PLXNB3: variants seen among roughly 807,000 people sequenced by gnomAD.
PLXNB3 encodes plexin-B3.
In PLXNB3, 80 loss-of-function variants were observed where a neutral mutation model predicts 125.7. The observed-to-expected ratio is 0.64, with a 90% confidence interval of 0.53 to 0.77. The LOEUF (loss-of-function observed/expected upper bound fraction) is 0.77, where lower values mean the gene tolerates loss of function less well. Ranked by LOEUF, PLXNB3 falls within the 30% of genes least tolerant of loss-of-function variation. The pLI, the probability that PLXNB3 is intolerant of heterozygous loss-of-function variation, is 0.00. For missense variants in PLXNB3, 1,836 were observed against 1,729.3 expected (o/e 1.06, Z -1.09); for synonymous variants, 954 against 783.3 (o/e 1.22, Z -3.64).
In PLXNB3 at chrX:153,767,880, C is replaced by G; in HGVS notation, c.1053C>G (p.Tyr351Ter). The G allele has an allele frequency of 9.0e-7, 1 of 1,110,456 alleles. No homozygotes were observed. The highest frequency in any genetic ancestry group is 1.2e-6 in the Non-Finnish European group (1 of 848,179). 91.5% of individuals were successfully genotyped at this position (1,110,456 alleles called of 1,213,427 possible). ...PSGAEEATVE[Y>*]GVTSRCVTLP... is the part of the protein sequence containing the mutation. ...GCGCAGAGGAAGCCACCGTGGAGTA[C>G]GGCGTCACGTCGCGCTGCGTCACCC... Residue 351 changes from tyrosine (Y) to a stop codon, truncating the protein, a stop_gained, in exon 3 of 36, where the codon TAC becomes TAG. Coordinates refer to ENST00000361971, the MANE Select transcript of PLXNB3 (RefSeq NM_005393.3). LOFTEE classifies it high-confidence loss of function.
At chrX:153,773,470 G>A (rs2091955131) in intron 18 of PLXNB3, 48 bp from the exon 19 acceptor site, 1 of 1,183,418 alleles carries the variant, frequency 8.5e-7, no homozygotes, top group African/African-American at 1.7e-5. Context: ...TGCGGGCTGG[G>A]CTATGTTGCC....
Position 153,770,264 on chromosome X carries a change from G to C in PLXNB3, c.1786+16G>C. 1 of 1,209,447 alleles carries C rather than the reference G, an allele frequency of 8.3e-7. No homozygotes were observed. Among genetic ancestry groups the C allele is most frequent in the Non-Finnish European group, 1.1e-6 (1 of 894,412 alleles). On this transcript the variant is annotated intron_variant, in intron 8 of 35. Coordinates refer to ENST00000361971, the MANE Select transcript of PLXNB3 (RefSeq NM_005393.3). Reference sequence around the variant, plus strand: ...CCAGGCACAGGTGAGTGGCCCATGGGGTAGGGGGCTGGGATGGAGGCTGGA... The same window carrying C: ...CCAGGCACAGGTGAGTGGCCCATGGCGTAGGGGGCTGGGATGGAGGCTGGA...
Position 153,775,910 on chromosome X carries a change from C to A in PLXNB3, c.4425C>A (p.Tyr1475Ter). The change falls in exon 27 of 36, where the codon TAC becomes TAA. Residue 1475 changes from tyrosine (Y) to a stop codon, truncating the protein, a stop_gained. Coordinates refer to ENST00000361971, the MANE Select transcript of PLXNB3 (RefSeq NM_005393.3). LOFTEE classifies it high-confidence loss of function. ...AGGAGGTGGCTGGTGAACCACTGTA[C>A]ATGCTCTTCCGGGCCATCCAGTACC... ...FLREVAGEPL[Y>*]MLFRAIQYQV... 4.1e-6 allele frequency: 5 copies of A among 1,209,832 alleles called. No homozygotes were observed. Among genetic ancestry groups the A allele is most frequent in the Non-Finnish European group, 5.6e-6 (5 of 894,645 alleles).
chrX:153,772,211 A>G lies in PLXNB3; in HGVS notation c.2699A>G (p.Asn900Ser), dbSNP rs782289362. Reference sequence around the variant, plus strand: ...GTGTGTGTGACATCTCCTGCCCCCAATGGCACCACTGGGCCCGTCCGGGTG... The same window carrying G: ...GTGTGTGTGACATCTCCTGCCCCCAGTGGCACCACTGGGCCCGTCCGGGTG... The part of the protein sequence containing the change: ...RIVCVTSPAP[N>S]GTTGPVRVAI... The change falls in exon 16 of 36, where the codon AAT becomes AGT. Residue 900 changes from asparagine (N) to serine (S), a missense_variant. Coordinates refer to ENST00000361971, the MANE Select transcript of PLXNB3 (RefSeq NM_005393.3). 27 of 1,207,618 alleles carry G rather than the reference A, an allele frequency of 2.2e-5. No homozygotes were observed. Among genetic ancestry groups the G allele is most frequent in the South Asian group, 3.5e-5 (2 of 56,709 alleles).
At chrX:153,776,314 G>A (rs377100627) in intron 27 of PLXNB3, 42 bp from the exon 28 acceptor site, 3 of 1,103,082 alleles carry the variant, frequency 2.7e-6, no homozygotes, top group Non-Finnish European at 3.7e-6. Flanking sequence ...GTGGGGCGTG[G>A]AGAGCAGGCT....
chrX:153,778,007 G>A lies in PLXNB3; in HGVS notation c.5321G>A (p.Arg1774Gln). ...AACCCACAGCTCATCTTTGATGTAC[G>A]GGTGTCGGACAATGTGGACGCCATC... ...LKNPQLIFDVRVSDNVDAILA... is the reference protein window; with the variant it reads ...LKNPQLIFDVQVSDNVDAILA... Residue 1774 changes from arginine (R) to glutamine (Q), a missense_variant, in exon 32 of 36, where the codon CGG becomes CAG. Arg to Gln is a conservative substitution (Grantham distance 43). Transcript: ENST00000361971. 1.7e-6 allele frequency: 2 copies of A among 1,211,565 alleles called. No individual in the cohort carries two copies. Among genetic ancestry groups the A allele is most frequent in the East Asian group, 3.0e-5 (1 of 33,860 alleles).
At chrX:153,772,420 C>A in intron 16 of PLXNB3, 133 bp downstream of exon 16, 1 of 525,207 alleles carries the variant, frequency 1.9e-6, no homozygotes, top group East Asian at 3.7e-5. Flanking sequence ...AGGAGGGAAG[C>A]CATGGCATGT....
rs950261484 is a variant in PLXNB3, at chrX:153,767,027, A to G, written c.200A>G (p.Tyr67Cys). ...LALAPGRGTLYVGAVNRLFQL... is the reference protein window; with the variant it reads ...LALAPGRGTLCVGAVNRLFQL... ...CTGGCACCTGGCCGAGGCACACTCT[A>G]TGTCGGCGCAGTGAACCGCCTCTTC... The change falls in exon 3 of 36, where the codon TAT (tyrosine) becomes TGT (cysteine). Residue 67 changes from tyrosine (Y) to cysteine (C), a missense_variant. Physicochemically the swap from Tyr to Cys is radical, Grantham distance 194. Transcript: ENST00000361971. The G allele has an allele frequency of 1.7e-6, 2 of 1,208,873 alleles. No homozygotes were observed. Among genetic ancestry groups the G allele is most frequent in the Non-Finnish European group, 2.2e-6 (2 of 894,991 alleles).
rs782480513 is a variant in PLXNB3 at position 153,768,446 on chromosome X, C to G, written c.1266+18C>G. ...TGTACAAGGTGAGGGCCCGGCCTTGCTGTCCGGCTGGGTGTGCCCCTGGCC... is the reference window on the plus strand; with the variant it reads ...TGTACAAGGTGAGGGCCCGGCCTTGGTGTCCGGCTGGGTGTGCCCCTGGCC... On this transcript the variant is annotated intron_variant, in intron 4 of 35. Transcript: ENST00000361971. 8.5e-7 allele frequency: 1 copy of G among 1,174,270 alleles called. No individual in the cohort carries two copies. The highest frequency in any genetic ancestry group is 1.7e-5 in the African/African-American group (1 of 57,230).
rs1179329749 is a variant in PLXNB3, at chrX:153,767,414, T to C, written c.587T>C (p.Leu196Pro). 2 of 1,183,992 alleles carry C rather than the reference T, an allele frequency of 1.7e-6. No homozygotes were observed. Among genetic ancestry groups the C allele is most frequent in the Non-Finnish European group, 2.3e-6 (2 of 880,991 alleles). ...GTGGCCAGAGGCCTGGCGGGCAAGC[T>C]GTCGGCAGGGGTGCCACCCCTGGCC... The part of the protein sequence containing the change: ...LLVARGLAGK[L>P]SAGVPPLAIR... Residue 196 changes from leucine (L) to proline (P), a missense_variant, in exon 3 of 36, where the codon CTG becomes CCG. Coordinates refer to ENST00000361971, the MANE Select transcript of PLXNB3 (RefSeq NM_005393.3).
chrX:153,770,248 G>A lies in PLXNB3; in HGVS notation c.1786G>A (p.Asp596Asn). 4 of 1,210,659 alleles carry A rather than the reference G, an allele frequency of 3.3e-6. No individual in the cohort carries two copies. The highest frequency in any genetic ancestry group is 4.5e-6 in the Non-Finnish European group (4 of 895,197). Reference sequence around the variant, plus strand: ...GGTGCCACTTAACCCTCCAGGCACAGGTGAGTGGCCCATGGGGTAGGGGGC... The same window carrying A: ...GGTGCCACTTAACCCTCCAGGCACAAGTGAGTGGCCCATGGGGTAGGGGGC... ...DQVPLNPPGT[D>N]HVTVPLALMF... The change falls in exon 8 of 36, where the codon GAC becomes AAC. Residue 596 changes from aspartate to asparagine, a missense_variant and splice_region_variant. By Grantham distance (23) the Asp-to-Asn change is conservative. Transcript: ENST00000361971.
At chrX:153,766,303 C>A in intron 2 of PLXNB3, 3 of 1,162,844 alleles carry the variant, frequency 2.6e-6, no homozygotes, top group Non-Finnish European at 3.4e-6. Flanking sequence ...TTCCTCCTTG[C>A]AGCCGGCCCT....
rs372592047 is a variant in PLXNB3 at position 153,773,476 on chromosome X, T to C, written c.3084-42T>C. 2.1e-4 allele frequency: 253 copies of C among 1,181,280 alleles called. 1 individual carries two copies. In the African/African-American group the frequency reaches 4.0e-3, roughly 19 times the overall value. ...AAGGTGGGATGCGGGCTGGGCTATG[T>C]TGCCCACCGCCCGCCCACACCCGAC... On this transcript the variant is annotated intron_variant, in intron 18 of 35. Transcript: ENST00000361971.
At chrX:153,773,041 G>A (rs202206747) in intron 17 of PLXNB3, 25 bp downstream of exon 17, 107 of 1,150,455 alleles carry the variant, frequency 9.3e-5, no homozygotes, top group African/African-American at 1.8e-4. Context: ...GGCTGCCGTC[G>A]GGTGGTGGGC....
At position 153,768,420 on chromosome X, in the gene PLXNB3, C is replaced by G. The variant is rs1473086829; in HGVS notation, c.1258C>G (p.Leu420Val). ...IAFLGDTQGQ[L>V]YKVFLHGSQG... The stretch of plus-strand genomic sequence containing the variant: ...CTTCCTGGGGGACACCCAGGGCCAG[C>G]TGTACAAGGTGAGGGCCCGGCCTTG... Residue 420 changes from leucine (L) to valine (V), a missense_variant, in exon 4 of 36, where the codon CTG becomes GTG. Coordinates refer to ENST00000361971, the MANE Select transcript of PLXNB3 (RefSeq NM_005393.3). The G allele has an allele frequency of 8.3e-7, 1 of 1,199,181 alleles. No individual in the cohort carries two copies. The highest frequency in any genetic ancestry group is 1.8e-5 in the South Asian group (1 of 56,276).
At position 153,767,544 on chromosome X, in the gene PLXNB3, C is replaced by G. The variant is rs782656506; in HGVS notation, c.717C>G (p.Ala239=). Residue 239 remains alanine (A), a synonymous_variant, in exon 3 of 36, where the codon GCC becomes GCG. Transcript: ENST00000361971. ...ACAACAGCTACGTCGGGGCCTTTGC[C>G]GACGCCCGCTCCGCCTACTTCGTGT... ...DYNNSYVGAF[A]DARSAYFVFR... is the part of the protein sequence containing the mutation. The G allele has an allele frequency of 8.5e-7, 1 of 1,175,113 alleles. No homozygotes were observed. Among genetic ancestry groups the G allele is most frequent in the Non-Finnish European group, 1.1e-6 (1 of 877,237 alleles).
chrX:153,765,408 C>T (rs1267415271), intron 1 of PLXNB3, 63 bp from the exon 2 acceptor site: 6 of 918,163 alleles, frequency 6.5e-6, no homozygotes, highest in Admixed American at 2.8e-5. Context: ...CCCCCACCGC[C>T]GCCCCTCCTT....
chrX:153,770,066 C>T, intron 7 of PLXNB3, 26 bp from the exon 8 acceptor site: 3 of 1,206,967 alleles, frequency 2.5e-6, no homozygotes, highest in Non-Finnish European at 3.4e-6. Flanking sequence ...GGCTACATCT[C>T]CCGGTTTCTC....
chrX:153,772,679 T>C (rs1211440496), intron 16 of PLXNB3: 5 of 1,015,027 alleles, frequency 4.9e-6, no homozygotes, highest in Non-Finnish European at 6.2e-6. Flanking sequence ...AGAGCCCCAC[T>C]TCTACTCCCC....
Sources: allele counts gnomAD v4.1 joint callset, GRCh38; gene constraint gnomAD v4.1.1; transcripts MANE v1.5; gene names NCBI Gene and HGNC (gene_info 2026-07-23, HGNC 2026-07-21).